AMBRA1: variants seen among roughly 807,000 people sequenced by gnomAD.
The protein encoded by AMBRA1 is autophagy and beclin 1 regulator 1, also known as activating molecule in BECN1-regulated autophagy protein 1.
AMBRA1 carries 47 observed loss-of-function variants against 125.4 expected under a neutral mutation model. That is an observed-to-expected ratio of 0.37 (90% CI 0.30 to 0.48). AMBRA1 has a LOEUF of 0.48. Ranked by LOEUF, AMBRA1 falls within the 20% of genes least tolerant of loss-of-function variation. AMBRA1 has a pLI of 0.99. For synonymous variants in AMBRA1, 626 were observed against 655.5 expected, an observed-to-expected ratio of 0.95 and a Z score of 0.69; for missense variants, 1,331 against 1,693.4, an observed-to-expected ratio of 0.79 and a Z score of 3.76.
chr11:46,525,236 G>A (rs1403127854), intron 7 of AMBRA1, among the ~76,000 whole-genome samples: 1 of 152,196 alleles, frequency 6.6e-6, no homozygotes, highest in Non-Finnish European at 1.5e-5. Context: ...TGGACGTTGA[G>A]GCTGCAGTGA....
intron 17 of AMBRA1, among the ~76,000 whole-genome samples, chr11:46,400,452 A>G (rs937753603): frequency 3.7e-5 from 4 of 108,092 alleles, no homozygotes; most frequent in Non-Finnish European, 7.2e-5. Flanking sequence ...TGGCAGCCTC[A>G]TGCTTCTAGT....
At chr11:46,527,869 T>C (rs1952047792) in intron 7 of AMBRA1, among the ~76,000 whole-genome samples, 1 of 151,670 alleles carries the variant, frequency 6.6e-6, no homozygotes, top group African/African-American at 2.4e-5. Context: ...GATTGTAAAA[T>C]GGTTCAGCTG....
At chr11:46,402,748 C>T (rs1945825785) in intron 17 of AMBRA1, among the ~76,000 whole-genome samples, 1 of 152,170 alleles carries the variant, frequency 6.6e-6, no homozygotes, top group South Asian at 2.1e-4. Flanking sequence ...CCACAGTGCC[C>T]TTGAATTCAT....
At position 46,397,486 on chromosome 11, in the gene AMBRA1, G is replaced by A. The variant is rs370073097; in HGVS notation, c.3861C>T (p.Asp1287=). The A allele has an allele frequency of 5.0e-5, 76 of 1,521,156 alleles. No individual in the cohort carries two copies. Among genetic ancestry groups the A allele is most frequent in the Non-Finnish European group, 5.6e-5 (64 of 1,133,466 alleles). The allele number at this position is 1,521,156 out of a possible 1,614,324, so 94.2% of individuals were successfully genotyped here. A position where few individuals can be genotyped will look rare whatever the true frequency, so the allele number is the denominator to read the frequency against. Residue 1287 remains aspartate, a synonymous_variant, in exon 18 of 18, where the codon GAC becomes GAT. Coordinates refer to ENST00000683756, the MANE Select transcript of AMBRA1 (RefSeq NM_001387011.1). ...GTGGTTCTCCCCTAGGGCCTGCAGC[G>A]TCCCCCCTGCTGCTGCCACCATCCA... ...HLLDGGSSRG[D]AAGPRGEPRN...
chr11:46,590,208 TA>T (rs1002550547), intron 1 of AMBRA1, among the ~76,000 whole-genome samples: 1 of 151,722 alleles, frequency 6.6e-6, no homozygotes, highest in African/African-American at 2.4e-5. Context: ...CCATTTCTAC[TA>T]AAATACAAAA....
chr11:46,406,033 G>A (rs1945998503), intron 17 of AMBRA1, among the ~76,000 whole-genome samples: 1 of 151,376 alleles, frequency 6.6e-6, no homozygotes, highest in South Asian at 2.1e-4. Flanking sequence ...ATGCCCAGCT[G>A]AGATTCTGTC....
intron 11 of AMBRA1, among the ~76,000 whole-genome samples, chr11:46,475,486 C>A (rs1752728746): frequency 6.6e-6 from 1 of 152,172 alleles, no homozygotes; most frequent in African/African-American, 2.4e-5. Flanking sequence ...GTCTATTTCT[C>A]TGTATACAAA....
intron 7 of AMBRA1, among the ~76,000 whole-genome samples, chr11:46,539,140 T>C (rs991184100): frequency 6.6e-6 from 1 of 152,068 alleles, no homozygotes; most frequent in Non-Finnish European, 1.5e-5. Flanking sequence ...CAGCCAAGCA[T>C]TGATAACCTT....
chr11:46,569,441 ATATATAT>A (rs1361130774), intron 1 of AMBRA1, among the ~76,000 whole-genome samples: 1 of 119,550 alleles, frequency 8.4e-6, no homozygotes, highest in African/African-American at 3.4e-5. Flanking sequence ...AAAAAAAAAA[ATATATAT>A]ATATATATAT....
rs1207713428 is a variant in AMBRA1, at chr11:46,397,592, G to T, written c.3755C>A (p.Ser1252Tyr). ...AAGGGAAACAGGAATGGGGACAGGG[G>T]AGGAAGAGGGCAGGGTTGGCTGGGT... ...EPTQPTLPSSSPVPIPVSLPS... is the reference protein window; with the variant it reads ...EPTQPTLPSSYPVPIPVSLPS... Residue 1252 changes from serine to tyrosine, a missense_variant, in exon 18 of 18, where the codon TCC becomes TAC. Coordinates refer to ENST00000683756, the MANE Select transcript of AMBRA1 (RefSeq NM_001387011.1). 4 of 1,603,098 alleles carry T rather than the reference G, an allele frequency of 2.5e-6. No homozygotes were observed. The highest frequency in any genetic ancestry group is 3.4e-6 in the Non-Finnish European group (4 of 1,173,562).
At chr11:46,588,767 C>T (rs1408717479) in intron 1 of AMBRA1, among the ~76,000 whole-genome samples, 2 of 142,704 alleles carry the variant, frequency 1.4e-5, no homozygotes, top group Admixed American at 1.4e-4. Flanking sequence ...AAGAGCGAAA[C>T]TCCATCTCAA....
In AMBRA1 at chr11:46,542,031, G is replaced by C. The variant is rs951929360; in HGVS notation, c.1986C>G (p.Thr662=). 5.0e-6 allele frequency: 8 copies of C among 1,613,910 alleles called. No homozygotes were observed. The highest frequency in any genetic ancestry group is 6.8e-6 in the Non-Finnish European group (8 of 1,179,988). ...ACACAGTTCCAGATCTGCTGGACTG[G>C]GTGTAAATTCTTTCCCAGTGGCCTG... ...QETGHWERIY[T]QSSRSGTVSQ... The change falls in exon 7 of 18, where the codon ACC becomes ACG. Residue 662 remains threonine, a synonymous_variant. Coordinates refer to ENST00000683756, the MANE Select transcript of AMBRA1 (RefSeq NM_001387011.1). This position sits in a 1 kb window ranked among gnomAD's most constrained non-coding sequence, Gnocchi z 5.9.
At chr11:46,427,145 A>G (rs1325923686) in intron 14 of AMBRA1, among the ~76,000 whole-genome samples, 1 of 152,210 alleles carries the variant, frequency 6.6e-6, no homozygotes, top group South Asian at 2.1e-4. Context: ...TGAAGAATAA[A>G]GCTGGGACAA....
intron 17 of AMBRA1, among the ~76,000 whole-genome samples, chr11:46,398,432 C>T (rs1166306474): frequency 6.6e-6 from 1 of 152,210 alleles, no homozygotes; most frequent in Non-Finnish European, 1.5e-5. Flanking sequence ...TGTCTTCCTT[C>T]AGCGTAGTTT....
At chr11:46,477,844 G>A (rs11038902) in intron 11 of AMBRA1, among the ~76,000 whole-genome samples, 2 of 152,122 alleles carry the variant, frequency 1.3e-5, no homozygotes, top group Admixed American at 6.5e-5. Context: ...GGGAGGCTGA[G>A]ACGGGCAGAT....
chr11:46,423,544 A>G (rs1270303367), intron 14 of AMBRA1, among the ~76,000 whole-genome samples: 1 of 151,636 alleles, frequency 6.6e-6, no homozygotes, highest in Admixed American at 6.6e-5. Context: ...GGCGCCTGCC[A>G]CCACGCCCGG....
intron 1 of AMBRA1, among the ~76,000 whole-genome samples, chr11:46,551,051 C>G (rs1442586802): frequency 6.8e-6 from 1 of 146,266 alleles, no homozygotes; most frequent in South Asian, 2.2e-4. Flanking sequence ...GAGCCAAGAT[C>G]GCGCCACTGC....
Position 46,426,366 on chromosome 11 carries a change from A to G in AMBRA1, c.2976+7108T>C, listed in dbSNP as rs1947136236. 2.0e-5 allele frequency among the ~76,000 whole-genome samples: 3 copies of G among 152,250 alleles called. No individual in the cohort carries two copies. The South Asian group carries it at 6.2e-4, about 32-fold the overall frequency. On this transcript the variant is annotated intron_variant, in intron 14 of 17. Transcript: ENST00000683756. Reference sequence around the variant, plus strand: ...AAGACCAGAAGAAGCCAGGCATTGCACATGGACGCACTACAGAGGAAGGGA... The same window carrying G: ...AAGACCAGAAGAAGCCAGGCATTGCGCATGGACGCACTACAGAGGAAGGGA...
chr11:46,525,167 G>A (rs547922291), intron 7 of AMBRA1, among the ~76,000 whole-genome samples: 17 of 152,264 alleles, frequency 1.1e-4, no homozygotes, highest in African/African-American at 4.1e-4. Flanking sequence ...TGGGCATGGT[G>A]GCACATGCCT....
Sources: allele counts gnomAD v4.1 joint callset (sites outside exome capture counted in the v4.1 genomes callset), GRCh38; gene constraint gnomAD v4.1.1; non-coding constraint Gnocchi (gnomAD v3.1); transcripts MANE v1.5; gene names NCBI Gene and HGNC (gene_info 2026-07-23, HGNC 2026-07-21).